ZHX2: variants seen among roughly 807,000 people sequenced by gnomAD.
The protein encoded by ZHX2 is zinc fingers and homeoboxes 2.
A neutral mutation model predicts 21.9 loss-of-function variants in ZHX2; 6 were observed. The ratio of observed to expected loss-of-function variants is 0.27; its 90% CI spans 0.15 to 0.54. ZHX2 has a LOEUF of 0.54. Ranked by LOEUF, ZHX2 falls within the 20% of genes least tolerant of loss-of-function variation. The pLI, the probability that ZHX2 is intolerant of heterozygous loss-of-function variation, is 0.95. For synonymous variants in ZHX2, 434 were observed against 437.1 expected (o/e 0.99, Z 0.09); for missense variants, 908 against 1,090.7 (o/e 0.83, Z 2.36).
At chr8:122,911,117 A>T (rs951330384) in intron 2 of ZHX2, among the ~76,000 whole-genome samples, 2 of 152,218 alleles carry the variant, frequency 1.3e-5, no homozygotes, top group African/African-American at 4.8e-5. Context: ...CACACGCAGG[A>T]TGGCCTCATA....
intron 2 of ZHX2, among the ~76,000 whole-genome samples, chr8:122,906,734 T>C (rs957178174): frequency 9.4e-5 from 14 of 148,186 alleles, no homozygotes; most frequent in African/African-American, 3.5e-4. Flanking sequence ...ACAGTAGGGC[T>C]ATCTCAGCTC....
At chr8:122,822,195 C>T (rs778105705) in intron 1 of ZHX2, among the ~76,000 whole-genome samples, 11 of 152,184 alleles carry the variant, frequency 7.2e-5, no homozygotes, top group Non-Finnish European at 1.0e-4. Context: ...AAACCAGTAT[C>T]ATAACTTACC....
At position 122,857,996 on chromosome 8, in the gene ZHX2, G is replaced by C. The variant is rs1366275916; in HGVS notation, c.-282-5481G>C. On this transcript the variant is annotated intron_variant, in intron 1 of 3. Transcript: ENST00000314393. ...CATTTTCTGCCCTTCTGAGTGAAAG[G>C]CTACTGTTAGGGACCAAGGTGAAAT... Among the ~76,000 whole-genome samples, 3 of 152,234 alleles carry C rather than the reference G, an allele frequency of 2.0e-5. No individual in the cohort carries two copies. In the East Asian group the frequency reaches 5.8e-4, roughly 29 times the overall value.
At chr8:122,833,604 C>A (rs1016858333) in intron 1 of ZHX2, among the ~76,000 whole-genome samples, 3 of 151,974 alleles carry the variant, frequency 2.0e-5, no homozygotes, top group Non-Finnish European at 4.4e-5. Context: ...TGGGTTGATG[C>A]GTTGGGTACT....
Position 122,875,977 on chromosome 8 carries a change from A to T in ZHX2, c.-220+12438A>T, listed in dbSNP as rs372887254. Reference sequence around the variant, plus strand: ...AGCTTTCAAAACAGCTCTGACACAGACATCTATAATTTGGGTTTTGGCATC... The same window carrying T: ...AGCTTTCAAAACAGCTCTGACACAGTCATCTATAATTTGGGTTTTGGCATC... On this transcript the variant is annotated intron_variant, in intron 2 of 3. Transcript: ENST00000314393. Among the ~76,000 whole-genome samples, 16 of 152,270 alleles carry T rather than the reference A, an allele frequency of 1.1e-4. No homozygotes were observed. In the East Asian group the frequency reaches 2.7e-3, roughly 26 times the overall value.
At chr8:122,866,159 A>G (rs533573054) in intron 2 of ZHX2, among the ~76,000 whole-genome samples, 10 of 152,198 alleles carry the variant, frequency 6.6e-5, no homozygotes, top group Non-Finnish European at 1.5e-4. Flanking sequence ...GAAATATTCC[A>G]TTGATACAGA....
intron 3 of ZHX2, among the ~76,000 whole-genome samples, chr8:122,956,610 G>T (rs1214503812): frequency 6.6e-6 from 1 of 152,178 alleles, no homozygotes; most frequent in Non-Finnish European, 1.5e-5. Flanking sequence ...AATGCCACTG[G>T]TGAGAAACCA....
At chr8:122,878,729 C>T (rs1452843092) in intron 2 of ZHX2, among the ~76,000 whole-genome samples, 1 of 152,108 alleles carries the variant, frequency 6.6e-6, no homozygotes, top group African/African-American at 2.4e-5. Flanking sequence ...ATACAGGGAA[C>T]AGTAAAGCAC....
intron 2 of ZHX2, among the ~76,000 whole-genome samples, chr8:122,946,566 G>T (rs1395713030): frequency 1.3e-5 from 2 of 151,980 alleles, no homozygotes; most frequent in Non-Finnish European, 2.9e-5. Flanking sequence ...TCATTTCGGG[G>T]GCTCACTTGT....
At chr8:122,969,415 C>A (rs7831188) in intron 3 of ZHX2, among the ~76,000 whole-genome samples, 51,123 of 151,810 alleles carry the variant, frequency 0.34, 8,931 homozygotes, top group African/African-American at 0.42. Flanking sequence ...ACTGCCCCCC[C>A]CAAAAATAGA....
At chr8:122,885,510 G>T (rs1470130174) in intron 2 of ZHX2, among the ~76,000 whole-genome samples, 4 of 151,990 alleles carry the variant, frequency 2.6e-5, no homozygotes, top group African/African-American at 9.7e-5. Flanking sequence ...GGCATGGAAA[G>T]TTCTCATCAT....
rs56331425 is a variant in ZHX2 at position 122,971,611 on chromosome 8, C to CAAAAAAAAAAAAAAAAAAAAAAAAAA, written c.*5-1610_*5-1609insAAAAAAAAAAAAAAAAAAAAAAAAAA. 3.7e-5 allele frequency among the ~76,000 whole-genome samples: 3 copies of CAAAAAAAAAAAAAAAAAAAAAAAAAA among 81,796 alleles called. 1 individual carries two copies. 53.7% of individuals were successfully genotyped at this position (81,796 alleles called of 152,430 possible). A position where few individuals can be genotyped will look rare whatever the true frequency, so the allele number is the denominator to read the frequency against. The stretch of plus-strand genomic sequence containing the variant: ...ACTCTCCTTGCTGTTGGCCCCTGTA[C>CAAAAAAAAAAAAAAAAAAAAAAAAAA]AAAAAAAAAAAAAAAAAAAAATTCC... On this transcript the variant is annotated intron_variant, in intron 3 of 3. Transcript: ENST00000314393.
At chr8:122,861,350 T>A (rs1819163195) in intron 1 of ZHX2, among the ~76,000 whole-genome samples, 1 of 152,184 alleles carries the variant, frequency 6.6e-6, no homozygotes, top group Non-Finnish European at 1.5e-5. Context: ...CCACTGTATA[T>A]CTTAACTTAG....
At chr8:122,863,270 T>C (rs995943375) in intron 1 of ZHX2, 1 of 151,038 alleles carries the variant, frequency 6.6e-6, no homozygotes, top group South Asian at 2.1e-4. Flanking sequence ...GTCTTTTTTT[T>C]TTTTTTTCTT....
In ZHX2 at chr8:122,952,793, A is replaced by G; in HGVS notation, c.1283A>G (p.Glu428Gly). Residue 428 changes from glutamate (E) to glycine (G), a missense_variant, in exon 3 of 4, where the codon GAG becomes GGG. Physicochemically the swap from Glu to Gly is moderately conservative, Grantham distance 98 (BLOSUM62 -2). Transcript: ENST00000314393. The surrounding 1 kb of genome is among the most constrained non-coding windows in gnomAD (Gnocchi z 6.9). ...CGTCCACACATCGCTCAGGTGCCAGAGCCCCCACCCAAGGTGGCCAACCCC... is the reference window on the plus strand; with the variant it reads ...CGTCCACACATCGCTCAGGTGCCAGGGCCCCCACCCAAGGTGGCCAACCCC... ...PKRPHIAQVP[E>G]PPPKVANPPL... is the part of the protein sequence containing the mutation. 1 of 1,614,062 alleles carries G rather than the reference A, an allele frequency of 6.2e-7. No individual in the cohort carries two copies. The highest frequency in any genetic ancestry group is 8.5e-7 in the Non-Finnish European group (1 of 1,180,016).
chr8:122,946,274 A>G (rs1013634323), intron 2 of ZHX2, among the ~76,000 whole-genome samples: 54 of 152,074 alleles, frequency 3.6e-4, no homozygotes, highest in African/African-American at 1.2e-3. Context: ...ACAGATACCA[A>G]CATGCTACTA....
chr8:122,971,842 C>A (rs1813733550), intron 3 of ZHX2, among the ~76,000 whole-genome samples: 1 of 152,104 alleles, frequency 6.6e-6, no homozygotes, highest in Admixed American at 6.6e-5. Context: ...AGACCTGCCC[C>A]CATTTCCTCT....
intron 2 of ZHX2, among the ~76,000 whole-genome samples, chr8:122,895,579 ACTGCTACCTAGCTAGCATC>A (rs1820080170): frequency 6.6e-6 from 1 of 152,112 alleles, no homozygotes; most frequent in South Asian, 2.1e-4. Flanking sequence ...TGTTCTTCTC[ACTGCTACCTAGCTAGCATC>A]CTGGTGTCAT....
intron 2 of ZHX2, among the ~76,000 whole-genome samples, chr8:122,924,197 G>T (rs1033151298): frequency 6.6e-6 from 1 of 152,128 alleles, no homozygotes; most frequent in South Asian, 2.1e-4. Flanking sequence ...GGTCAACAGG[G>T]CCGTGCTCCC....
Sources: gnomAD v4.1 joint callset for allele counts (sites outside exome capture counted in the v4.1 genomes callset) on GRCh38, gnomAD v4.1.1 for gene constraint, Gnocchi (gnomAD v3.1) non-coding constraint, MANE v1.5 for transcripts, NCBI Gene and HGNC (gene_info 2026-07-23, HGNC 2026-07-21) for gene names.